Variants in ACO1 observed in about 807,000 individuals in gnomAD.
ACO1 encodes cytoplasmic aconitate hydratase.
Under a neutral mutation model 105.1 loss-of-function variants are expected in ACO1, and 78 were observed. The ratio of observed to expected loss-of-function variants is 0.74; its 90% CI spans 0.62 to 0.90. The LOEUF is 0.90. Among genes scored for constraint, ACO1 ranks in the 40% least tolerant of loss-of-function variants. The probability of loss-of-function intolerance (pLI) is 0.00; values close to 1 mark genes in which losing one functional copy is unlikely to be tolerated. For synonymous variants in ACO1, 364 were observed against 397.4 expected, an observed-to-expected ratio of 0.92 and a Z score of 1.00; for missense variants, 965 against 1,111.1, an observed-to-expected ratio of 0.87 and a Z score of 1.87.
intron 19 of ACO1, among the ~76,000 whole-genome samples, 177 bp from the exon 20 acceptor site, chr9:32,448,719 G>A (rs369932984): frequency 1.3e-5 from 2 of 152,188 alleles, no homozygotes; most frequent in East Asian, 1.9e-4. Context: ...GATGAACCGG[G>A]TACCTCAGTT....
In ACO1 at chr9:32,424,563, T is replaced by A. The variant is rs767294022; in HGVS notation, c.1086T>A (p.Asp362Glu). 6.2e-7 allele frequency: 1 copy of A among 1,612,648 alleles called. No individual in the cohort carries two copies. Among genetic ancestry groups the A allele is most frequent in the African/African-American group, 1.3e-5 (1 of 74,834 alleles). The change falls in exon 10 of 21, where the codon GAT becomes GAA. Residue 362 changes from aspartate to glutamate, a missense_variant. Transcript: ENST00000309951. ...GGGGTCAACAGGTTGTGGAATTAGA[T>A]TTGAAAACAGTAGTGCCTTGCTGTA... is the stretch of plus-strand genomic sequence containing the variant. ...DPDFTQVVEL[D>E]LKTVVPCCSG... is the part of the protein sequence containing the mutation.
At chr9:32,397,250 C>G (rs545387680) in intron 1 of ACO1, among the ~76,000 whole-genome samples, 18 of 152,160 alleles carry the variant, frequency 1.2e-4, no homozygotes, top group Non-Finnish European at 1.9e-4. Context: ...TCTTTTCCCC[C>G]CAGTTTCTCT....
Position 32,436,151 on chromosome 9 carries a change from A to ATGTTT in ACO1, c.2100-82_2100-78dup, listed in dbSNP as rs558647639. 3.5e-3 allele frequency: 5,117 copies of ATGTTT among 1,464,150 alleles called. 17 individuals carry two copies. Among genetic ancestry groups the ATGTTT allele is most frequent in the Middle Eastern group, 7.8e-3 (45 of 5,770 alleles). 90.7% of individuals were successfully genotyped at this position (1,464,150 alleles called of 1,614,324 possible). A position where few individuals can be genotyped will look rare whatever the true frequency, so the allele number is the denominator to read the frequency against. ...GAGACTTAGAGAAATAGCCAGGTCTATGTTTTGTTTTGTTTTGTTTTTTTC... is the reference window on the plus strand; with the variant it reads ...GAGACTTAGAGAAATAGCCAGGTCTATGTTTTGTTTTGTTTTGTTTTGTTTTTTTC... On this transcript the variant is annotated intron_variant, in intron 17 of 20. Coordinates refer to ENST00000309951, the MANE Select transcript of ACO1 (RefSeq NM_002197.3).
chr9:32,420,368 G>C lies in ACO1; in HGVS notation c.799-488G>C, dbSNP rs77974175. ...CCAGACGCTTCCAATGATCTCATTAGAGAAAGAGAATGTTTCTCATCTTGA... is the reference window on the plus strand; with the variant it reads ...CCAGACGCTTCCAATGATCTCATTACAGAAAGAGAATGTTTCTCATCTTGA... On this transcript the variant is annotated intron_variant, in intron 7 of 20. Transcript: ENST00000309951. Among the ~76,000 whole-genome samples the C allele has an allele frequency of 5.4e-3, 830 of 152,324 alleles. 1 individual carries two copies. Among genetic ancestry groups the C allele is most frequent in the Non-Finnish European group, 8.3e-3 (564 of 68,032 alleles).
chr9:32,387,068 CA>C (rs1821170387), intron 1 of ACO1, among the ~76,000 whole-genome samples: 1 of 152,162 alleles, frequency 6.6e-6, no homozygotes, highest in African/African-American at 2.4e-5. Context: ...TGATAAAAAC[CA>C]ACGTGTATCA....
At chr9:32,421,916 T>C (rs548403461) in intron 8 of ACO1, among the ~76,000 whole-genome samples, 1 of 152,312 alleles carries the variant, frequency 6.6e-6, no homozygotes, top group East Asian at 1.9e-4. Context: ...TAAATCTTAG[T>C]CTTCTGCTGT....
At chr9:32,395,250 C>T (rs146366416) in intron 1 of ACO1, among the ~76,000 whole-genome samples, 2,396 of 152,114 alleles carry the variant, frequency 0.016, 55 homozygotes, top group African/African-American at 0.052. Context: ...CCGAGATGGG[C>T]GGATCACTTG....
At chr9:32,400,494 C>T (rs184001260) in intron 1 of ACO1, among the ~76,000 whole-genome samples, 6 of 152,258 alleles carry the variant, frequency 3.9e-5, no homozygotes, top group Non-Finnish European at 7.4e-5. Flanking sequence ...CTCTTTCTCT[C>T]TGTTGGTGAA....
intron 6 of ACO1, 56 bp from the exon 7 acceptor site, chr9:32,418,982 G>A: frequency 6.8e-7 from 1 of 1,478,578 alleles, no homozygotes; most frequent in Non-Finnish European, 9.0e-7. Flanking sequence ...ATTTATACCT[G>A]AGAGATAGAG....
rs1822839475 is a variant in ACO1, at chr9:32,454,593, A to T, written c.*4482A>T. ...GAAAAAGACTCCCCAGTTGTTTCTA[A>T]AATGTGGCCTTTGTTCTAGAAATGC... On this transcript the variant is annotated 3_prime_UTR_variant, in exon 21 of 21. Coordinates refer to ENST00000309951, the MANE Select transcript of ACO1 (RefSeq NM_002197.3). 6.6e-6 allele frequency: 1 copy of T among 152,174 alleles called. No individual in the cohort carries two copies. The highest frequency in any genetic ancestry group is 6.5e-5 in the Admixed American group (1 of 15,272). 9.4% of individuals were successfully genotyped at this position (152,174 alleles called of 1,614,324 possible). A position where few individuals can be genotyped will look rare whatever the true frequency, so the allele number is the denominator to read the frequency against.
chr9:32,407,211 T>G (rs1226685747), intron 2 of ACO1, 50 bp from the exon 3 acceptor site: 39 of 1,582,920 alleles, frequency 2.5e-5, no homozygotes, highest in Non-Finnish European at 3.1e-5. Context: ...TAAAGAGCGC[T>G]CTTAAGTTGT....
rs76330669 is a variant in ACO1, at chr9:32,431,678, A to G, written c.1727-41A>G. ...GACTCTGTATAATCATGAAAATTGC[A>G]TATTAGAAAGTTTTCTCATTAATAA... On this transcript the variant is annotated intron_variant, in intron 14 of 20. Coordinates refer to ENST00000309951, the MANE Select transcript of ACO1 (RefSeq NM_002197.3). The G allele has an allele frequency of 1.1e-3, 1,821 of 1,610,816 alleles. 21 individuals carry two copies. In the African/African-American group the frequency reaches 0.022, roughly 19 times the overall value.
At chr9:32,434,769 T>C (rs1489316056) in intron 17 of ACO1, 68 bp downstream of exon 17, 1 of 1,571,246 alleles carries the variant, frequency 6.4e-7, no homozygotes, top group Non-Finnish European at 8.7e-7. Context: ...AGGCCAGCAT[T>C]TCTCTTTTCA....
intron 4 of ACO1, among the ~76,000 whole-genome samples, chr9:32,416,134 G>T (rs894520089): frequency 7.1e-6 from 1 of 140,920 alleles, no homozygotes; most frequent in Admixed American, 7.4e-5. Flanking sequence ...TTGCTTTGTC[G>T]CCCAAGTTGG....
chr9:32,436,072 C>A, intron 17 of ACO1, 178 bp from the exon 18 acceptor site: 1 of 794,948 alleles, frequency 1.3e-6, no homozygotes. Context: ...ACCTCTCTCT[C>A]TTCTCCGTTG....
At chr9:32,419,490 A>G (rs541971036) in intron 7 of ACO1, among the ~76,000 whole-genome samples, 5 of 152,356 alleles carry the variant, frequency 3.3e-5, no homozygotes, top group South Asian at 4.1e-4. Flanking sequence ...AGATGATACC[A>G]TTTTGTCATA....
At chr9:32,402,306 C>T (rs1821514560) in intron 1 of ACO1, among the ~76,000 whole-genome samples, 1 of 152,058 alleles carries the variant, frequency 6.6e-6, no homozygotes, top group East Asian at 1.9e-4. Context: ...CTAACTCTTC[C>T]CTCTTTCAAA....
At chr9:32,411,636 G>C (rs1821741311) in intron 4 of ACO1, among the ~76,000 whole-genome samples, 1 of 152,018 alleles carries the variant, frequency 6.6e-6, no homozygotes, top group South Asian at 2.1e-4. Context: ...AGTATATAAA[G>C]GTTTTTCAAT....
At chr9:32,400,251 GTA>G (rs1186905115) in intron 1 of ACO1, among the ~76,000 whole-genome samples, 11 of 152,024 alleles carry the variant, frequency 7.2e-5, no homozygotes, top group African/African-American at 2.4e-4. Flanking sequence ...GATTACAGGT[GTA>G]AGCCACTGCG....
Sources: allele counts gnomAD v4.1 joint callset (sites outside exome capture counted in the v4.1 genomes callset), GRCh38; gene constraint gnomAD v4.1.1; transcripts MANE v1.5; gene names NCBI Gene and HGNC (gene_info 2026-07-23, HGNC 2026-07-21).